Variants in GRID1 observed in about 807,000 individuals in gnomAD.
GRID1 encodes the protein glutamate receptor ionotropic, delta-1.
A neutral mutation model predicts 98.0 loss-of-function variants in GRID1; 28 were observed. The ratio of observed to expected loss-of-function variants is 0.29; its 90% CI spans 0.21 to 0.39. The LOEUF (loss-of-function observed/expected upper bound fraction) is 0.39, where lower values mean the gene tolerates loss of function less well. Among genes scored for constraint, GRID1 ranks in the 10% least tolerant of loss-of-function variants. GRID1 has a pLI of 1.00. For synonymous variants in GRID1, 553 were observed against 538.5 expected (o/e 1.03, Z -0.37); for missense variants, 1,111 against 1,340.5 (o/e 0.83, Z 2.67).
intron 4 of GRID1, among the ~76,000 whole-genome samples, chr10:86,047,644 C>T (rs1843442793): frequency 6.6e-6 from 1 of 151,952 alleles, no homozygotes; most frequent in African/African-American, 2.4e-5. Flanking sequence ...TTAATTGGAA[C>T]CCAGCAATGA....
chr10:86,105,275 G>C (rs916385886), intron 4 of GRID1, among the ~76,000 whole-genome samples: 1 of 152,200 alleles, frequency 6.6e-6, no homozygotes, highest in African/African-American at 2.4e-5. Context: ...GGTGGGCAAG[G>C]TTATGCCTGT....
At position 85,915,737 on chromosome 10, in the gene GRID1, G is replaced by A. The variant is rs117628034; in HGVS notation, c.780+449C>T. Among the ~76,000 whole-genome samples the A allele has an allele frequency of 2.0e-3, 302 of 151,732 alleles. 8 individuals carry two copies. In the South Asian group the frequency reaches 0.043, roughly 21 times the overall value. On this transcript the variant is annotated intron_variant, in intron 5 of 15. Transcript: ENST00000327946. ...CACACACACCTGGATTCACACTCTC[G>A]CACGCATGTGCACACCCTGCATACA... is the stretch of plus-strand genomic sequence containing the variant.
intron 2 of GRID1, among the ~76,000 whole-genome samples, chr10:86,256,852 T>G (rs1846927738): frequency 6.6e-6 from 1 of 152,170 alleles, no homozygotes; most frequent in Non-Finnish European, 1.5e-5. Context: ...CCGGGAAGCA[T>G]CAGCAGATCA....
intron 2 of GRID1, among the ~76,000 whole-genome samples, chr10:86,307,300 G>A (rs1156720845): frequency 1.3e-5 from 2 of 152,040 alleles, no homozygotes. Flanking sequence ...AGCCTAAGTG[G>A]CCATCAATGA....
chr10:85,742,947 G>A (rs542884431), intron 8 of GRID1, among the ~76,000 whole-genome samples: 216 of 152,098 alleles, frequency 1.4e-3, no homozygotes, highest in Non-Finnish European at 2.1e-3. Flanking sequence ...TGGGTGTGGG[G>A]GCTATTCTGT....
At chr10:85,755,738 G>A (rs2949377) in intron 8 of GRID1, among the ~76,000 whole-genome samples, 305 of 152,162 alleles carry the variant, frequency 2.0e-3, no homozygotes, top group Non-Finnish European at 3.4e-3. Flanking sequence ...CACGTGTTGG[G>A]GCCCTGACAC....
At chr10:85,979,118 G>A (rs1224813996) in intron 4 of GRID1, among the ~76,000 whole-genome samples, 1 of 152,106 alleles carries the variant, frequency 6.6e-6, no homozygotes, top group South Asian at 2.1e-4. Context: ...CTGGAGGTCT[G>A]GCTGCACACA....
At chr10:86,137,159 G>T (rs1201975650) in intron 4 of GRID1, among the ~76,000 whole-genome samples, 2 of 152,204 alleles carry the variant, frequency 1.3e-5, no homozygotes. Flanking sequence ...TCCTCACAGG[G>T]CTAGAAACAG....
chr10:86,294,101 T>A (rs963109476), intron 2 of GRID1, among the ~76,000 whole-genome samples: 1 of 151,704 alleles, frequency 6.6e-6, no homozygotes, highest in Non-Finnish European at 1.5e-5. Flanking sequence ...TGGAGGAGTA[T>A]GGAGAGGAGG....
At position 85,837,966 on chromosome 10, in the gene GRID1, C is replaced by A. The variant is rs558128899; in HGVS notation, c.1233+16530G>T. Among the ~76,000 whole-genome samples, 43 of 152,212 alleles carry A rather than the reference C, an allele frequency of 2.8e-4. No homozygotes were observed. The South Asian group carries it at 8.9e-3, about 32-fold the overall frequency. Reference sequence around the variant, plus strand: ...ACAAAATAACCAGTTTACAGAAGAACATAACTGACCTTATAGAGCTGAAAA... The same window carrying A: ...ACAAAATAACCAGTTTACAGAAGAAAATAACTGACCTTATAGAGCTGAAAA... On this transcript the variant is annotated intron_variant, in intron 8 of 15. Transcript: ENST00000327946.
intron 12 of GRID1, among the ~76,000 whole-genome samples, chr10:85,671,324 ACTTCATGTCTCCAT>A (rs1392453200): frequency 6.6e-6 from 1 of 152,226 alleles, no homozygotes; most frequent in Non-Finnish European, 1.5e-5. Context: ...GCATGTGCTC[ACTTCATGTCTCCAT>A]CACATTTTGG....
At chr10:85,723,789 C>T (rs1291600050) in intron 11 of GRID1, among the ~76,000 whole-genome samples, 1 of 152,170 alleles carries the variant, frequency 6.6e-6, no homozygotes, top group Non-Finnish European at 1.5e-5. Flanking sequence ...ATTCTCCTTA[C>T]ATAACCTCAC....
intron 8 of GRID1, among the ~76,000 whole-genome samples, chr10:85,769,088 T>C (rs1434555250): frequency 1.3e-5 from 2 of 151,782 alleles, no homozygotes; most frequent in Non-Finnish European, 2.9e-5. Context: ...AATGTACCTG[T>C]AAAAAAAAGA....
intron 8 of GRID1, among the ~76,000 whole-genome samples, chr10:85,754,417 T>A (rs1842076576): frequency 6.6e-6 from 1 of 152,092 alleles, no homozygotes; most frequent in East Asian, 1.9e-4. Flanking sequence ...GTAATTAAAA[T>A]CATGAGTTAC....
intron 4 of GRID1, among the ~76,000 whole-genome samples, chr10:86,074,099 T>C (rs1208592318): frequency 2.1e-5 from 3 of 140,570 alleles, no homozygotes; most frequent in African/African-American, 2.7e-5. Context: ...TCCACTTTCT[T>C]TTTTATTATT....
intron 8 of GRID1, among the ~76,000 whole-genome samples, chr10:85,804,333 A>C (rs574868407): frequency 2.6e-5 from 4 of 151,946 alleles, no homozygotes; most frequent in Non-Finnish European, 5.9e-5. Context: ...CATTAGAAGA[A>C]CTAAGAATTC....
At chr10:85,809,423 C>T (rs568025959) in intron 8 of GRID1, among the ~76,000 whole-genome samples, 169 of 152,270 alleles carry the variant, frequency 1.1e-3, no homozygotes, top group Non-Finnish European at 2.0e-3. Context: ...CAAAACCACA[C>T]CTACCTAAAC....
At chr10:86,091,552 C>A (rs1844148839) in intron 4 of GRID1, among the ~76,000 whole-genome samples, 1 of 151,974 alleles carries the variant, frequency 6.6e-6, no homozygotes, top group South Asian at 2.1e-4. Context: ...CCCTACCTAC[C>A]CTGGTAGCAG....
intron 4 of GRID1, among the ~76,000 whole-genome samples, chr10:86,109,805 C>G (rs1196779963): frequency 1.3e-5 from 2 of 152,144 alleles, no homozygotes; most frequent in East Asian, 3.9e-4. Context: ...CTTTCAAGAG[C>G]TGGAACTCTA....
Sources: gnomAD v4.1 joint callset for allele counts (sites outside exome capture counted in the v4.1 genomes callset) on GRCh38, gnomAD v4.1.1 for gene constraint, MANE v1.5 for transcripts, NCBI Gene and HGNC (gene_info 2026-07-23, HGNC 2026-07-21) for gene names.